The following SUSD3 variants were observed in gnomAD, a reference collection of about 807,000 sequenced individuals.
SUSD3 encodes sushi domain containing 3.
Under a neutral mutation model 20.6 loss-of-function variants are expected in SUSD3, and 18 were observed. The observed-to-expected ratio is 0.87, with a 90% CI of 0.60 to 1.30. SUSD3 has a LOEUF of 1.30. SUSD3 is among the 50% of genes most tolerant of loss of function. The probability of loss-of-function intolerance (pLI) is 0.00; values close to 1 mark genes in which losing one functional copy is unlikely to be tolerated. For missense variants in SUSD3, 306 were observed against 346.9 expected (o/e 0.88, Z 0.94); for synonymous variants, 137 against 141.5 (o/e 0.97, Z 0.23).
chr9:93,058,823 C>T lies in SUSD3; in HGVS notation c.81C>T (p.Asn27=), dbSNP rs774933001. 4.8e-6 allele frequency: 6 copies of T among 1,261,794 alleles called. No individual in the cohort carries two copies. In the South Asian group the frequency reaches 1.7e-4, roughly 36 times the overall value. The allele number at this position is 1,261,794 out of a possible 1,614,324, so 78.2% of individuals were successfully genotyped here. A position where few individuals can be genotyped will look rare whatever the true frequency, so the allele number is the denominator to read the frequency against. ...GGGTCACCACGCCTGCCCCAGGGAACCGCACAGGTGAGGGCTGGGGCCGAG... is the reference window on the plus strand; with the variant it reads ...GGGTCACCACGCCTGCCCCAGGGAATCGCACAGGTGAGGGCTGGGGCCGAG... ...RAGVTTPAPG[N]RTGTCAKLRL... Residue 27 remains asparagine, a synonymous_variant, in exon 1 of 5, where the codon AAC becomes AAT. Coordinates refer to ENST00000375472, the MANE Select transcript of SUSD3 (RefSeq NM_145006.4).
At chr9:93,063,980 C>T (rs183585256) in intron 1 of SUSD3, among the ~76,000 whole-genome samples, 111 of 152,258 alleles carry the variant, frequency 7.3e-4, no homozygotes, top group East Asian at 3.9e-3. Context: ...AATTTGACGG[C>T]GCATCCCGGA....
chr9:93,081,140 G>C (rs545078068), intron 4 of SUSD3, among the ~76,000 whole-genome samples: 3 of 152,114 alleles, frequency 2.0e-5, no homozygotes, highest in Non-Finnish European at 1.5e-5. Context: ...GTGTCCTTCT[G>C]ATCCATCCCC....
intron 1 of SUSD3, among the ~76,000 whole-genome samples, chr9:93,066,062 G>C (rs907915839): frequency 6.6e-6 from 1 of 152,142 alleles, no homozygotes; most frequent in Non-Finnish European, 1.5e-5. Flanking sequence ...GCTGATCTCA[G>C]TCCTGCCCAC....
chr9:93,074,678 G>A (rs532826530), intron 1 of SUSD3, among the ~76,000 whole-genome samples: 125 of 138,706 alleles, frequency 9.0e-4, no homozygotes, highest in African/African-American at 3.3e-3. Context: ...GGAGTGCAGT[G>A]ATCTTGGCTC....
intron 1 of SUSD3, among the ~76,000 whole-genome samples, chr9:93,074,031 T>G (rs1826020872): frequency 6.6e-6 from 1 of 152,186 alleles, no homozygotes; most frequent in Non-Finnish European, 1.5e-5. Context: ...TGATGGCACA[T>G]GTAAGGCAGG....
chr9:93,075,757 AT>A, intron 1 of SUSD3, 26 bp from the exon 2 acceptor site: 2 of 170,706 alleles, frequency 1.2e-5, no homozygotes, highest in Non-Finnish European at 1.8e-5. Flanking sequence ...CCCCCCCGCC[AT>A]GCCTCATACC....
chr9:93,073,504 T>G (rs535173123), intron 1 of SUSD3, among the ~76,000 whole-genome samples: 1 of 152,296 alleles, frequency 6.6e-6, no homozygotes, highest in African/African-American at 2.4e-5. Flanking sequence ...CGCCTCGGCC[T>G]CCCAAAGTGC....
At chr9:93,076,477 T>A (rs1483713737) in intron 2 of SUSD3, among the ~76,000 whole-genome samples, 1 of 152,194 alleles carries the variant, frequency 6.6e-6, no homozygotes, top group Non-Finnish European at 1.5e-5. Context: ...TCTGGTTGTA[T>A]TTCTTGTACA....
Position 93,075,820 on chromosome 9 carries a change from C to A in SUSD3, c.125C>A (p.Thr42Asn). Reference protein sequence around the residue: ...CAKLRLPPQATFQVLRGNGAS... With the variant: ...CAKLRLPPQANFQVLRGNGAS... ...AAGCTGCGGCTACCCCCGCAAGCAA[C>A]CTTCCAAGTCCTTCGTGGCAATGGT... is the stretch of plus-strand genomic sequence containing the variant. Residue 42 changes from threonine (T) to asparagine (N), a missense_variant, in exon 2 of 5, where the codon ACC (threonine) becomes AAC (asparagine). Thr to Asn is a moderately conservative substitution (Grantham distance 65). Transcript: ENST00000375472. 6.2e-7 allele frequency: 1 copy of A among 1,606,066 alleles called. No individual in the cohort carries two copies.
At position 93,084,722 on chromosome 9, in the gene SUSD3, AGCCCGCAGCATAT is replaced by A. The variant is rs1826582751; in HGVS notation, c.748_760del (p.Ala250Ter). Reference sequence around the variant, plus strand: ...GGGCTGGCCACAGGAATGCCACAACAGCCCGCAGCATATGCCCTAGGGTGACCACGCAGTGAGG... The same window carrying A: ...GGGCTGGCCACAGGAATGCCACAACAGCCCTAGGGTGACCACGCAGTGAGG... On this transcript the variant is annotated frameshift_variant, in exon 5 of 5. Transcript: ENST00000375472. LOFTEE classifies it low-confidence loss of function (END_TRUNC). The A allele has an allele frequency of 6.3e-7, 1 of 1,587,958 alleles. No individual in the cohort carries two copies. The highest frequency in any genetic ancestry group is 8.6e-7 in the Non-Finnish European group (1 of 1,166,708).
intron 4 of SUSD3, among the ~76,000 whole-genome samples, 162 bp from the exon 5 acceptor site, chr9:93,084,375 A>G (rs1367392575): frequency 1.3e-5 from 2 of 152,070 alleles, no homozygotes; most frequent in Admixed American, 6.5e-5. Context: ...TGTGCACCTT[A>G]GGGTGCAGGG....
intron 1 of SUSD3, among the ~76,000 whole-genome samples, chr9:93,059,586 A>T (rs1329316810): frequency 6.6e-6 from 1 of 152,142 alleles, no homozygotes; most frequent in Non-Finnish European, 1.5e-5. Flanking sequence ...GGTCTCAGAT[A>T]TCCCAAAAGC....
intron 4 of SUSD3, among the ~76,000 whole-genome samples, chr9:93,081,097 C>T (rs577576570): frequency 1.1e-4 from 16 of 152,338 alleles, no homozygotes; most frequent in Non-Finnish European, 1.9e-4. Flanking sequence ...GGCTCCAGTT[C>T]TTGGCAGTAG....
At chr9:93,076,064 T>C (rs1587914626) in intron 2 of SUSD3, 92 bp downstream of exon 2, 3 of 1,161,072 alleles carry the variant, frequency 2.6e-6, no homozygotes, top group Admixed American at 2.4e-5. Flanking sequence ...ATGGCGTGGG[T>C]GTCTACTCAC....
At chr9:93,077,721 C>T (rs1203038218) in intron 2 of SUSD3, 125 bp from the exon 3 acceptor site, 5 of 979,046 alleles carry the variant, frequency 5.1e-6, no homozygotes, top group African/African-American at 4.9e-5. Context: ...ACAGGGCTCA[C>T]TGAGGGCTGC....
chr9:93,068,694 T>C (rs1156892591), intron 1 of SUSD3, among the ~76,000 whole-genome samples: 1 of 152,228 alleles, frequency 6.6e-6, no homozygotes, highest in Non-Finnish European at 1.5e-5. Flanking sequence ...CTTGTTGATT[T>C]CTGGAAAGAA....
In SUSD3 at chr9:93,085,005, G is replaced by T. The variant is rs1385159795; in HGVS notation, c.*258G>T. On this transcript the variant is annotated 3_prime_UTR_variant, in exon 5 of 5. Coordinates refer to ENST00000375472, the MANE Select transcript of SUSD3 (RefSeq NM_145006.4). The surrounding 1 kb of genome is among the most constrained non-coding windows in gnomAD (Gnocchi z 4.3). ...ATGGACTACTTGAAACCACTACTGA[G>T]GGTAATTTACTAGCTGTGGCCTCCC... 3 of 368,408 alleles carry T rather than the reference G, an allele frequency of 8.1e-6. No homozygotes were observed. Among genetic ancestry groups the T allele is most frequent in the East Asian group, 8.0e-5 (2 of 25,130 alleles). The allele number at this position is 368,408 out of a possible 1,614,324, so 22.8% of individuals were successfully genotyped here.
At chr9:93,081,695 C>T (rs1377224196) in intron 4 of SUSD3, among the ~76,000 whole-genome samples, 1 of 152,194 alleles carries the variant, frequency 6.6e-6, no homozygotes, top group East Asian at 1.9e-4. Flanking sequence ...GTCTCCTTTC[C>T]TGACGCTTCA....
intron 1 of SUSD3, among the ~76,000 whole-genome samples, chr9:93,072,162 A>G (rs745750182): frequency 1.3e-5 from 2 of 151,922 alleles, no homozygotes; most frequent in Non-Finnish European, 2.9e-5. Flanking sequence ...TACACAAACC[A>G]TAAGCCCCTC....
Sources: gnomAD v4.1 joint callset for allele counts (sites outside exome capture counted in the v4.1 genomes callset) on GRCh38, gnomAD v4.1.1 for gene constraint, Gnocchi (gnomAD v3.1) non-coding constraint, MANE v1.5 for transcripts, NCBI Gene and HGNC (gene_info 2026-07-23, HGNC 2026-07-21) for gene names.